FARP2: variants seen among roughly 807,000 people sequenced by gnomAD.
FARP2 encodes FERM, ARH/RhoGEF and pleckstrin domain protein 2.
Under a neutral mutation model 130.5 loss-of-function variants are expected in FARP2, and 111 were observed. The ratio of observed to expected loss-of-function variants is 0.85; its 90% CI spans 0.73 to 1.00. The LOEUF is 1.00. Among genes scored for constraint, FARP2 ranks in the 50% least tolerant of loss-of-function variants. The pLI, the probability that FARP2 is intolerant of heterozygous loss-of-function variation, is 0.00. For missense variants in FARP2, 1,385 were observed against 1,346.3 expected (o/e 1.03, Z -0.45); for synonymous variants, 504 against 516.9 (o/e 0.98, Z 0.34).
At chr2:241,364,943 T>G (rs904966641) in intron 1 of FARP2, among the ~76,000 whole-genome samples, 5 of 152,196 alleles carry the variant, frequency 3.3e-5, no homozygotes, top group Admixed American at 1.3e-4. Context: ...TCTGTTGGAC[T>G]GGGAGCCATG....
chr2:241,358,634 C>G (rs2061118367), intron 1 of FARP2, among the ~76,000 whole-genome samples: 1 of 152,168 alleles, frequency 6.6e-6, no homozygotes, highest in Non-Finnish European at 1.5e-5. Context: ...GCCAGCTTCC[C>G]CTTTACTCAG....
At chr2:241,450,552 G>A (rs2063625358) in intron 13 of FARP2, among the ~76,000 whole-genome samples, 2 of 152,070 alleles carry the variant, frequency 1.3e-5, no homozygotes, top group South Asian at 4.1e-4. Context: ...TGTAATCCCA[G>A]CTACTCAGGA....
chr2:241,387,799 A>G (rs914469186), intron 2 of FARP2, among the ~76,000 whole-genome samples: 1 of 151,862 alleles, frequency 6.6e-6, no homozygotes, highest in African/African-American at 2.4e-5. Context: ...TCAAAAAAAA[A>G]AAAAAAAAAA....
chr2:241,490,116 C>T, intron 22 of FARP2, 72 bp downstream of exon 22: 1 of 1,050,100 alleles, frequency 9.5e-7, no homozygotes, highest in Admixed American at 1.7e-5. Context: ...CCATGAGCCT[C>T]TGAGTCCTCT....
chr2:241,456,887 G>A lies in FARP2; in HGVS notation c.1552G>A (p.Gly518Arg), dbSNP rs746757859. ...LLSPVLSDAG[G>R]AGMDCEEPRH... Reference sequence around the variant, plus strand: ...GAGCCCTGTCCTCAGTGATGCTGGCGGAGCCGGGATGGACTGCGAGGAGCC... The same window carrying A: ...GAGCCCTGTCCTCAGTGATGCTGGCAGAGCCGGGATGGACTGCGAGGAGCC... The change falls in exon 14 of 27, where the codon GGA (glycine) becomes AGA (arginine). Residue 518 changes from glycine to arginine, a missense_variant. By Grantham distance (125) the Gly-to-Arg change is moderately radical (BLOSUM62 -2). Coordinates refer to ENST00000264042, the MANE Select transcript of FARP2 (RefSeq NM_014808.4). 40 of 1,609,958 alleles carry A rather than the reference G, an allele frequency of 2.5e-5. No homozygotes were observed. The highest frequency in any genetic ancestry group is 6.7e-5 in the East Asian group (3 of 44,744).
chr2:241,439,759 C>T (rs919548137), intron 12 of FARP2, among the ~76,000 whole-genome samples: 3 of 152,068 alleles, frequency 2.0e-5, no homozygotes, highest in South Asian at 2.1e-4. Context: ...GTCAAGAGTT[C>T]GAGACCAGCT....
chr2:241,361,146 A>G (rs551083766), intron 1 of FARP2, among the ~76,000 whole-genome samples: 2 of 152,266 alleles, frequency 1.3e-5, no homozygotes, highest in East Asian at 1.9e-4. Context: ...ATTCCCCACA[A>G]ACAAGCAACT....
At chr2:241,425,835 A>G (rs2062924597) in intron 8 of FARP2, among the ~76,000 whole-genome samples, 1 of 149,480 alleles carries the variant, frequency 6.7e-6, no homozygotes, top group Admixed American at 6.7e-5. Flanking sequence ...AAACATTAAA[A>G]GGAAATTATT....
chr2:241,385,185 C>T (rs540953502), intron 2 of FARP2, among the ~76,000 whole-genome samples: 17 of 152,038 alleles, frequency 1.1e-4, no homozygotes, highest in Non-Finnish European at 2.4e-4. Context: ...ACTGAGAACA[C>T]TAGAGGAGGG....
intron 21 of FARP2, 96 bp downstream of exon 21, chr2:241,484,427 ACTGAGAGCAGCAC>A: frequency 1.0e-6 from 1 of 955,360 alleles, no homozygotes; most frequent in Non-Finnish European, 1.7e-6. Flanking sequence ...ACCCAGCAAC[ACTGAGAGCAGCAC>A]CTGCTGAGTA....
chr2:241,376,769 A>G (rs746584540), intron 2 of FARP2, among the ~76,000 whole-genome samples: 1 of 152,230 alleles, frequency 6.6e-6, no homozygotes, highest in Non-Finnish European at 1.5e-5. Flanking sequence ...TGAGGCAGAC[A>G]TTCGGCTACA....
At position 241,454,454 on chromosome 2, in the gene FARP2, C is replaced by T. The variant is rs1378887677; in HGVS notation, c.1412-2293C>T. On this transcript the variant is annotated intron_variant, in intron 13 of 26. Transcript: ENST00000264042. ...ACACTAGTAGCTTCTAGACTTTTTC[C>T]GAATTCTCATCACATAAAATATCTC... Among the ~76,000 whole-genome samples the T allele has an allele frequency of 4.6e-5, 7 of 152,260 alleles. No individual in the cohort carries two copies. In the East Asian group the frequency reaches 1.3e-3, roughly 29 times the overall value.
At chr2:241,431,561 G>A (rs2063090701) in intron 8 of FARP2, 118 bp from the exon 9 acceptor site, 1 of 628,090 alleles carries the variant, frequency 1.6e-6, no homozygotes, top group Non-Finnish European at 2.8e-6. Context: ...CAGATATAAT[G>A]GTAAAATGCC....
rs557800044 is a variant in FARP2, at chr2:241,397,641, G to A, written c.184-6187G>A. 2.1e-4 allele frequency among the ~76,000 whole-genome samples: 32 copies of A among 152,094 alleles called. No homozygotes were observed. In the East Asian group the frequency reaches 5.8e-3, roughly 28 times the overall value. ...GAGGTAGAGGTTGGAGAGACATTTA[G>A]ACGAAAGGCTAGGAATTATTTTCAA... is the stretch of plus-strand genomic sequence containing the variant. On this transcript the variant is annotated intron_variant, in intron 2 of 26. Coordinates refer to ENST00000264042, the MANE Select transcript of FARP2 (RefSeq NM_014808.4).
rs1491421503 is a variant in FARP2, at chr2:241,366,138, T to TATATATATACGTATATATATACAC, written c.-24-6945_-24-6944insTATATATACGTATATATATACACA. On this transcript the variant is annotated intron_variant, in intron 1 of 26. Transcript: ENST00000264042. ...ATATATATACGTATATATATATATA[T>TATATATATACGTATATATATACAC]ACACACACACATATATATTTTCTTC... Among the ~76,000 whole-genome samples the TATATATATACGTATATATATACAC allele has an allele frequency of 1.2e-4, 17 of 138,446 alleles. 1 individual carries two copies. The East Asian group carries it at 3.6e-3, about 29-fold the overall frequency. The allele number at this position is 138,446 out of a possible 152,430, so 90.8% of individuals were successfully genotyped here.
intron 8 of FARP2, among the ~76,000 whole-genome samples, chr2:241,423,470 A>G (rs2062859469): frequency 6.6e-6 from 1 of 152,222 alleles, no homozygotes; most frequent in South Asian, 2.1e-4. Context: ...AGCACTAAAT[A>G]CAGAAAGGAA....
intron 13 of FARP2, chr2:241,447,142 T>G (rs2063531303): frequency 6.6e-6 from 1 of 152,252 alleles, no homozygotes; most frequent in African/African-American, 2.4e-5. Context: ...TTACTGTGAA[T>G]TTTTAAATGG....
intron 1 of FARP2, among the ~76,000 whole-genome samples, chr2:241,361,028 GA>G (rs55678832): frequency 0.25 from 31,736 of 124,548 alleles, 3,465 homozygotes; most frequent in Middle Eastern, 0.38. Flanking sequence ...ATTCAAAAAA[GA>G]AAAAAAAAAA....
intron 18 of FARP2, among the ~76,000 whole-genome samples, chr2:241,471,151 T>TCGAA (rs1559802109): frequency 4.0e-5 from 6 of 150,016 alleles, no homozygotes; most frequent in Non-Finnish European, 3.0e-5. Flanking sequence ...GGGTCTCTGT[T>TCGAA]CTGACGGGGG....
Sources: allele counts gnomAD v4.1 joint callset (sites outside exome capture counted in the v4.1 genomes callset), GRCh38; gene constraint gnomAD v4.1.1; transcripts MANE v1.5; gene names NCBI Gene and HGNC (gene_info 2026-07-23, HGNC 2026-07-21).